SYT9: variants seen among roughly 807,000 people sequenced by gnomAD.
SYT9 encodes the protein synaptotagmin-9.
Under a neutral mutation model 48.4 loss-of-function variants are expected in SYT9, and 22 were observed. The observed-to-expected ratio is 0.45, with a 90% CI of 0.32 to 0.65. The LOEUF (loss-of-function observed/expected upper bound fraction) is 0.65. Ranked by LOEUF, SYT9 falls within the 30% of genes least tolerant of loss-of-function variation. The pLI is 0.03. For missense variants in SYT9, 577 were observed against 622.0 expected, an observed-to-expected ratio of 0.93 and a Z score of 0.77; for synonymous variants, 265 against 245.0, an observed-to-expected ratio of 1.08 and a Z score of -0.76.
chr11:7,262,239 T>C (rs1848093893), intron 1 of SYT9, among the ~76,000 whole-genome samples: 1 of 151,922 alleles, frequency 6.6e-6, no homozygotes, highest in African/African-American at 2.4e-5. Flanking sequence ...GCTAGGAGAA[T>C]AGAGTTGTAG....
At chr11:7,333,089 A>G (rs1589952178) in intron 3 of SYT9, among the ~76,000 whole-genome samples, 1 of 152,218 alleles carries the variant, frequency 6.6e-6, no homozygotes, top group East Asian at 1.9e-4. Flanking sequence ...ACTGTCCAGT[A>G]GCTAAGTGTA....
intron 1 of SYT9, among the ~76,000 whole-genome samples, chr11:7,285,374 A>G (rs1848577939): frequency 6.6e-6 from 1 of 152,218 alleles, no homozygotes; most frequent in South Asian, 2.1e-4. Flanking sequence ...AAAGTCCTTT[A>G]TAAAACCATC....
intron 6 of SYT9, chr11:7,428,136 T>C (rs1356925616): frequency 6.6e-6 from 1 of 152,216 alleles, no homozygotes; most frequent in Non-Finnish European, 1.5e-5. Context: ...TTTGTAGAGA[T>C]AGTAATCATA....
At chr11:7,317,820 AAC>A (rs1214507705) in intron 3 of SYT9, among the ~76,000 whole-genome samples, 1 of 152,196 alleles carries the variant, frequency 6.6e-6, no homozygotes, top group Non-Finnish European at 1.5e-5. Flanking sequence ...TGGGATGTTT[AAC>A]TATCTCTATG....
At chr11:7,397,467 C>A (rs1393198527) in intron 3 of SYT9, among the ~76,000 whole-genome samples, 3 of 152,080 alleles carry the variant, frequency 2.0e-5, no homozygotes, top group South Asian at 2.1e-4. Context: ...TAAGTCTTCC[C>A]ATTTTTTGCT....
chr11:7,460,438 T>TA (rs1410405236), intron 6 of SYT9, among the ~76,000 whole-genome samples: 1 of 152,114 alleles, frequency 6.6e-6, no homozygotes, highest in African/African-American at 2.4e-5. Context: ...TATTTCAAGC[T>TA]AAAATCACAA....
intron 3 of SYT9, among the ~76,000 whole-genome samples, chr11:7,323,878 C>CGAA (rs1303552393): frequency 2.4e-5 from 3 of 124,098 alleles, no homozygotes; most frequent in Non-Finnish European, 5.1e-5. Context: ...TGAGTGAGAT[C>CGAA]AAACTGTGAT....
upstream of SYT9, among the ~76,000 whole-genome samples, chr11:7,247,423 C>T (rs150039617): frequency 1.9e-4 from 28 of 151,060 alleles, no homozygotes; most frequent in Non-Finnish European, 3.7e-4. Flanking sequence ...CTATGAATGC[C>T]GTTAATTCAT....
chr11:7,309,366 T>G (rs111306621), intron 2 of SYT9, among the ~76,000 whole-genome samples: 1,584 of 152,076 alleles, frequency 0.01, 16 homozygotes, highest in African/African-American at 0.034. Flanking sequence ...ACTGTGCACA[T>G]TAAGTCCTGA....
At chr11:7,459,184 A>C (rs1848200701) in intron 6 of SYT9, among the ~76,000 whole-genome samples, 1 of 152,280 alleles carries the variant, frequency 6.6e-6, no homozygotes, top group South Asian at 2.1e-4. Flanking sequence ...GGAAGACTGC[A>C]GGTAGAGCAC....
intron 6 of SYT9, chr11:7,454,216 T>C: frequency 1.0e-6 from 1 of 985,224 alleles, no homozygotes; most frequent in East Asian, 1.1e-4. Context: ...ATACCCTGAG[T>C]CCCCACCCTT....
At chr11:7,304,725 A>G (rs1025350961) in intron 2 of SYT9, among the ~76,000 whole-genome samples, 3 of 152,250 alleles carry the variant, frequency 2.0e-5, no homozygotes, top group Admixed American at 6.5e-5. Context: ...TTTAGAAGAA[A>G]TCCTCAGATT....
At chr11:7,410,009 C>T (rs1847104584) in intron 3 of SYT9, among the ~76,000 whole-genome samples, 1 of 152,186 alleles carries the variant, frequency 6.6e-6, no homozygotes, top group South Asian at 2.1e-4. Flanking sequence ...CCTCTTAACA[C>T]TGCTTTCACT....
At chr11:7,371,465 A>G (rs1236364762) in intron 3 of SYT9, among the ~76,000 whole-genome samples, 1 of 151,306 alleles carries the variant, frequency 6.6e-6, no homozygotes, top group Non-Finnish European at 1.5e-5. Flanking sequence ...TGAGAGTGGG[A>G]TTTTTTTATT....
intron 6 of SYT9, among the ~76,000 whole-genome samples, chr11:7,463,678 T>C (rs1171666849): frequency 6.6e-6 from 1 of 152,190 alleles, no homozygotes; most frequent in East Asian, 1.9e-4. Flanking sequence ...CCTGTCATCT[T>C]GTGGGCTTGG....
Position 7,260,763 on chromosome 11 carries a change from A to G in SYT9, c.145+8432A>G, listed in dbSNP as rs149525762. ...GAAGTTTACCCATTTTAGATCCCCA[A>G]CATATCACCCTGAAACCCAACTGTA... is the stretch of plus-strand genomic sequence containing the variant. On this transcript the variant is annotated intron_variant, in intron 1 of 6. Coordinates refer to ENST00000318881, the MANE Select transcript of SYT9 (RefSeq NM_175733.4). Among the ~76,000 whole-genome samples the G allele has an allele frequency of 8.5e-5, 13 of 152,322 alleles. No homozygotes were observed. The East Asian group carries it at 2.3e-3, about 27-fold the overall frequency.
At chr11:7,323,145 T>G (rs1159077207) in intron 3 of SYT9, among the ~76,000 whole-genome samples, 1 of 152,146 alleles carries the variant, frequency 6.6e-6, no homozygotes, top group Non-Finnish European at 1.5e-5. Context: ...AATGCTGCTA[T>G]TAATCTTTCT....
chr11:7,436,774 G>A (rs1177642267), intron 6 of SYT9, among the ~76,000 whole-genome samples: 4 of 152,188 alleles, frequency 2.6e-5, no homozygotes, highest in Middle Eastern at 3.2e-3. Context: ...AGAGGAAGAC[G>A]TGACCCAGCT....
intron 1 of SYT9, among the ~76,000 whole-genome samples, chr11:7,266,117 G>A (rs1350836136): frequency 6.6e-6 from 1 of 152,072 alleles, no homozygotes; most frequent in Admixed American, 6.6e-5. Flanking sequence ...TAATATGGAT[G>A]TCAATTGTTG....
Sources: gnomAD v4.1 joint callset for allele counts (sites outside exome capture counted in the v4.1 genomes callset) on GRCh38, gnomAD v4.1.1 for gene constraint, MANE v1.5 for transcripts, NCBI Gene and HGNC (gene_info 2026-07-23, HGNC 2026-07-21) for gene names.